The following QSER1 variants were observed in gnomAD, a reference collection of about 807,000 sequenced individuals.
The protein encoded by QSER1 is glutamine and serine-rich protein 1.
QSER1 carries 49 observed loss-of-function variants against 158.5 expected under a neutral mutation model. The observed-to-expected ratio is 0.31, with a 90% CI of 0.25 to 0.39. QSER1 has a LOEUF of 0.39. Among genes scored for constraint, QSER1 ranks in the 10% least tolerant of loss-of-function variants. The probability of loss-of-function intolerance (pLI) is 1.00; values close to 1 mark genes in which losing one functional copy is unlikely to be tolerated. For missense variants in QSER1, 1,754 were observed against 2,010.3 expected, an observed-to-expected ratio of 0.87 and a Z score of 2.44; for synonymous variants, 650 against 715.5, an observed-to-expected ratio of 0.91 and a Z score of 1.46.
intron 8 of QSER1, among the ~76,000 whole-genome samples, chr11:32,960,261 A>C (rs1006208403): frequency 6.6e-6 from 1 of 152,126 alleles, no homozygotes; most frequent in Non-Finnish European, 1.5e-5. Context: ...GGTTGTTTAG[A>C]AATATATACA....
At chr11:32,964,797 C>T (rs577171755) in intron 8 of QSER1, among the ~76,000 whole-genome samples, 12 of 146,558 alleles carry the variant, frequency 8.2e-5, no homozygotes, top group African/African-American at 1.5e-4. Context: ...CACACATAAA[C>T]GCACACTATA....
chr11:32,922,677 G>A (rs1851914293), intron 1 of QSER1, among the ~76,000 whole-genome samples: 1 of 151,692 alleles, frequency 6.6e-6, no homozygotes, highest in Non-Finnish European at 1.5e-5. Context: ...TAGAGATGGG[G>A]TTTTGCCATG....
At position 32,893,279 on chromosome 11, in the gene QSER1, A is replaced by AG. The variant is rs1174189071; in HGVS notation, c.155dup (p.Ser52ArgfsTer10). ...CCGAGCCGCCGCCGCCGCCGCCAGC[A>AG]GCAGCTGCAGCAGTGGCAGCTGCAG... On this transcript the variant is annotated frameshift_variant, in exon 1 of 13. Coordinates refer to ENST00000650167, the MANE Select transcript of QSER1 (RefSeq NM_001076786.3). LOFTEE classifies it high-confidence loss of function. This position sits in a 1 kb window ranked among gnomAD's most constrained non-coding sequence, Gnocchi z 4.7. 6.5e-6 allele frequency: 1 copy of AG among 153,352 alleles called. No individual in the cohort carries two copies. Among genetic ancestry groups the AG allele is most frequent in the African/African-American group, 2.4e-5 (1 of 41,306 alleles). The allele number at this position is 153,352 out of a possible 1,614,324, so 9.5% of individuals were successfully genotyped here.
At chr11:32,951,297 ATGTC>A (rs1481184044) in intron 4 of QSER1, among the ~76,000 whole-genome samples, 29 of 152,162 alleles carry the variant, frequency 1.9e-4, no homozygotes, top group Non-Finnish European at 1.5e-5. Context: ...ATTTGTATCT[ATGTC>A]TGTGTCAGTA....
intron 8 of QSER1, among the ~76,000 whole-genome samples, chr11:32,959,761 GTTTTTAT>G (rs1006717238): frequency 1.5e-4 from 23 of 152,120 alleles, no homozygotes; most frequent in Admixed American, 1.1e-3. Flanking sequence ...TAAATTTACC[GTTTTTAT>G]TTTTTATTTT....
intron 4 of QSER1, among the ~76,000 whole-genome samples, chr11:32,942,517 A>G (rs1198101639): frequency 6.6e-6 from 1 of 150,940 alleles, no homozygotes; most frequent in Non-Finnish European, 1.5e-5. Context: ...TGTTTTTCTC[A>G]GGTTTGTCAA....
At chr11:32,901,492 A>G (rs1851624734) in intron 1 of QSER1, among the ~76,000 whole-genome samples, 1 of 152,222 alleles carries the variant, frequency 6.6e-6, no homozygotes, top group Non-Finnish European at 1.5e-5. Flanking sequence ...AATGTTGCAT[A>G]GTGGAATAAG....
chr11:32,975,233 T>C lies in QSER1; in HGVS notation c.5359-15T>C, dbSNP rs980148882. 5.3e-6 allele frequency: 8 copies of C among 1,509,012 alleles called. No homozygotes were observed. In the Admixed American group the frequency reaches 6.7e-5, roughly 13 times the overall value. 93.5% of individuals were successfully genotyped at this position (1,509,012 alleles called of 1,614,324 possible). On this transcript the variant is annotated splice_polypyrimidine_tract_variant and intron_variant, in intron 11 of 12. Coordinates refer to ENST00000650167, the MANE Select transcript of QSER1 (RefSeq NM_001076786.3). ...ACTCCATGAAATGTATCTATAAACTTTTTTCTTTTTATAGGAGTTTGCTGT... is the reference window on the plus strand; with the variant it reads ...ACTCCATGAAATGTATCTATAAACTCTTTTCTTTTTATAGGAGTTTGCTGT...
rs1275347894 is a variant in QSER1 at position 32,975,246 on chromosome 11, A to T, written c.5359-2A>T. The T allele has an allele frequency of 6.5e-7, 1 of 1,540,238 alleles. No individual in the cohort carries two copies. ...TATCTATAAACTTTTTTCTTTTTAT[A>T]GGAGTTTGCTGTCGATCCAGAGAAA... On this transcript the variant is annotated splice_acceptor_variant, in intron 11 of 12. Transcript: ENST00000650167. LOFTEE classifies it high-confidence loss of function.
intron 1 of QSER1, among the ~76,000 whole-genome samples, chr11:32,895,102 A>G (rs1197255994): frequency 6.6e-6 from 1 of 152,240 alleles, no homozygotes; most frequent in Admixed American, 6.5e-5. Context: ...TCTACTTGTC[A>G]TATTTTCCAA....
At chr11:32,905,556 A>G (rs1308634059) in intron 1 of QSER1, among the ~76,000 whole-genome samples, 2 of 152,216 alleles carry the variant, frequency 1.3e-5, no homozygotes, top group African/African-American at 4.8e-5. Context: ...CAGAAACTCC[A>G]ACTCCTCAAG....
intron 1 of QSER1, among the ~76,000 whole-genome samples, chr11:32,913,838 G>T (rs1057358361): frequency 6.6e-6 from 1 of 152,152 alleles, no homozygotes; most frequent in Non-Finnish European, 1.5e-5. Flanking sequence ...TTGTCTGTGT[G>T]GCTAGCCTCT....
chr11:32,932,257 A>G lies in QSER1; in HGVS notation c.999A>G (p.Gln333=), dbSNP rs541145992. Reference sequence around the variant, plus strand: ...CAGGTACCCAGTCAATTCAGGCACAACTGACTGGTTCACAGCACTCCTTAC... The same window carrying G: ...CAGGTACCCAGTCAATTCAGGCACAGCTGACTGGTTCACAGCACTCCTTAC... ...RPSGTQSIQA[Q]LTGSQHSLHS... is the part of the protein sequence containing the mutation. The change falls in exon 4 of 13, where the codon CAA becomes CAG. Residue 333 remains glutamine (Q), a synonymous_variant. Transcript: ENST00000650167. 1.4e-5 allele frequency: 22 copies of G among 1,614,104 alleles called. No homozygotes were observed. In the South Asian group the frequency reaches 2.1e-4, roughly 15 times the overall value.
In QSER1 at chr11:32,933,551, G is replaced by A; in HGVS notation, c.2293G>A (p.Val765Ile). The change falls in exon 4 of 13, where the codon GTT (valine) becomes ATT (isoleucine). Residue 765 changes from valine to isoleucine, a missense_variant. Val to Ile is a conservative substitution (Grantham distance 29, BLOSUM62 3). Transcript: ENST00000650167. ...AGCATCAAAAAAAGAAGAAAGTGTT[G>A]TTGGTTCAGTGACACAACTTAACCA... ...LQASKKEESV[V>I]GSVTQLNQQI... 2.5e-6 allele frequency: 4 copies of A among 1,613,780 alleles called. No individual in the cohort carries two copies. The highest frequency in any genetic ancestry group is 3.4e-6 in the Non-Finnish European group (4 of 1,179,882).
chr11:32,938,832 A>G (rs1291682660), intron 4 of QSER1, among the ~76,000 whole-genome samples: 2 of 149,894 alleles, frequency 1.3e-5, no homozygotes, highest in Non-Finnish European at 3.0e-5. Context: ...TTGGATTAAG[A>G]AAAAAAAAAC....
intron 1 of QSER1, among the ~76,000 whole-genome samples, chr11:32,900,899 T>C (rs1329452873): frequency 1.3e-5 from 2 of 152,204 alleles, no homozygotes; most frequent in Admixed American, 6.5e-5. Flanking sequence ...GTTTTACCTC[T>C]TCAGAGCATT....
At position 32,949,024 on chromosome 11, in the gene QSER1, C is replaced by T. The variant is rs1590175567; in HGVS notation, c.4178-4833C>T. 2.0e-5 allele frequency among the ~76,000 whole-genome samples: 3 copies of T among 152,238 alleles called. No homozygotes were observed. In the East Asian group the frequency reaches 5.8e-4, roughly 29 times the overall value. ...TAATACAGATTTTTTAACACTGGAG[C>T]TCCATTTAATCCCCTCCTGACATAA... is the stretch of plus-strand genomic sequence containing the variant. On this transcript the variant is annotated intron_variant, in intron 4 of 12. Coordinates refer to ENST00000650167, the MANE Select transcript of QSER1 (RefSeq NM_001076786.3).
chr11:32,975,414 G>A lies in QSER1; in HGVS notation c.5454+71G>A, dbSNP rs568969624. The A allele has an allele frequency of 1.6e-5, 26 of 1,585,140 alleles. No homozygotes were observed. The African/African-American group carries it at 2.9e-4, about 18-fold the overall frequency. ...AAGGAGACTCTAGCCATAGTATTTT[G>A]GAGTGTTTTAAAGAGAGTTGTGAAA... On this transcript the variant is annotated intron_variant, in intron 12 of 12. Coordinates refer to ENST00000650167, the MANE Select transcript of QSER1 (RefSeq NM_001076786.3).
chr11:32,898,482 TCACACACACACACACACACA>T (rs71034630), intron 1 of QSER1, among the ~76,000 whole-genome samples: 41 of 143,050 alleles, frequency 2.9e-4, no homozygotes, highest in Middle Eastern at 3.6e-3. Context: ...TGAGAACCTG[TCACACACACACACACACACA>T]CACACACACA....
Sources: gnomAD v4.1 joint callset for allele counts (sites outside exome capture counted in the v4.1 genomes callset) on GRCh38, gnomAD v4.1.1 for gene constraint, Gnocchi (gnomAD v3.1) non-coding constraint, MANE v1.5 for transcripts, NCBI Gene and HGNC (gene_info 2026-07-23, HGNC 2026-07-21) for gene names.